Variants in ST7L observed in about 807,000 individuals in gnomAD.
ST7L encodes the protein suppressor of tumorigenicity 7 protein-like.
Under a neutral mutation model 72.5 loss-of-function variants are expected in ST7L, and 57 were observed. The observed-to-expected ratio is 0.79, with a 90% CI of 0.64 to 0.98. The LOEUF is 0.98. Ranked by LOEUF, ST7L falls within the 50% of genes least tolerant of loss-of-function variation. The pLI, the probability that ST7L is intolerant of heterozygous loss-of-function variation, is 0.00. For synonymous variants in ST7L, 221 were observed against 240.9 expected (o/e 0.92, Z 0.77); for missense variants, 576 against 672.2 (o/e 0.86, Z 1.58).
Position 112,616,847 on chromosome 1 carries a change from G to C in ST7L, c.254C>G (p.Thr85Arg), listed in dbSNP as rs115467106. 94 of 1,607,182 alleles carry C rather than the reference G, an allele frequency of 5.8e-5. No homozygotes were observed. In the East Asian group the frequency reaches 1.9e-3, roughly 33 times the overall value. ...TCCTGATATCAATGAAGAGGTCCCTGTAAGTGCCACATAGAATTTGGGTGT... is the reference window on the plus strand; with the variant it reads ...TCCTGATATCAATGAAGAGGTCCCTCTAAGTGCCACATAGAATTTGGGTGT... ...SLTPKFYVALTGTSSLISGLI... is the reference protein window; with the variant it reads ...SLTPKFYVALRGTSSLISGLI... The change falls in exon 2 of 15, where the codon ACA becomes AGA. Residue 85 changes from threonine to arginine, a missense_variant. Physicochemically the swap from Thr to Arg is moderately conservative, Grantham distance 71 (BLOSUM62 -1). This residue lies in a region of ST7L where 511 missense variants were observed against 600.7 expected (regional missense o/e 0.85). Transcript: ENST00000358039.
At chr1:112,540,120 A>G (rs1254153842) in intron 14 of ST7L, 1 of 985,446 alleles carries the variant, frequency 1.0e-6, no homozygotes, top group Non-Finnish European at 1.2e-6. Flanking sequence ...CACTATAAAC[A>G]TTAATTGTAG....
chr1:112,581,645 T>C (rs190236549), intron 9 of ST7L, among the ~76,000 whole-genome samples: 1 of 152,094 alleles, frequency 6.6e-6, no homozygotes. Context: ...GCTCAAGTGA[T>C]CCTCCCACCT....
chr1:112,544,463 A>G lies in ST7L; in HGVS notation c.1490-2373T>C, dbSNP rs575657625. 5.2e-5 allele frequency among the ~76,000 whole-genome samples: 8 copies of G among 152,384 alleles called. No individual in the cohort carries two copies. The South Asian group carries it at 1.7e-3, about 32-fold the overall frequency. The stretch of plus-strand genomic sequence containing the variant: ...AATGGAAGTTTTAAAAGTTAGAAAC[A>G]TTAGAAACTGTAGAGAACATTGTGC... On this transcript the variant is annotated intron_variant, in intron 13 of 14. Transcript: ENST00000358039.
intron 11 of ST7L, among the ~76,000 whole-genome samples, chr1:112,573,910 G>GTTTTTTT (rs920123003): frequency 2.2e-5 from 2 of 91,852 alleles, no homozygotes; most frequent in Non-Finnish European, 4.1e-5. Context: ...TTCTTTTCCT[G>GTTTTTTT]TTTTTTTTTT....
chr1:112,542,495 C>T (rs1019634649), intron 13 of ST7L, among the ~76,000 whole-genome samples: 4 of 152,260 alleles, frequency 2.6e-5, no homozygotes, highest in Non-Finnish European at 1.5e-5. Flanking sequence ...TGGTGGTTCA[C>T]GTCTGTAATC....
At chr1:112,617,623 G>A (rs1670074054) in intron 1 of ST7L, among the ~76,000 whole-genome samples, 1 of 151,748 alleles carries the variant, frequency 6.6e-6, no homozygotes, top group South Asian at 2.1e-4. Context: ...GAGGCCAGAG[G>A]ATCGCTTAAG....
At chr1:112,558,755 T>C (rs941539324) in intron 11 of ST7L, among the ~76,000 whole-genome samples, 2 of 152,202 alleles carry the variant, frequency 1.3e-5, no homozygotes, top group Admixed American at 6.5e-5. Context: ...CCTTAGTGCT[T>C]TGGGCCTATA....
At chr1:112,528,229 C>T (rs1025476248) in intron 14 of ST7L, 1 of 152,110 alleles carries the variant, frequency 6.6e-6, no homozygotes, top group East Asian at 1.9e-4. Context: ...ATAGAGGGAA[C>T]TGGTATGTGC....
chr1:112,586,971 T>C (rs1175335954), intron 6 of ST7L, among the ~76,000 whole-genome samples: 1 of 152,220 alleles, frequency 6.6e-6, no homozygotes, highest in Non-Finnish European at 1.5e-5. Flanking sequence ...CAAATCTATT[T>C]CTGCCTCTTG....
intron 11 of ST7L, among the ~76,000 whole-genome samples, chr1:112,568,703 A>C (rs1448024005): frequency 1.5e-5 from 2 of 134,270 alleles, no homozygotes; most frequent in Non-Finnish European, 3.1e-5. Flanking sequence ...AAAAACAAAA[A>C]AACAACAACA....
chr1:112,589,349 A>G (rs1312117823), intron 6 of ST7L, among the ~76,000 whole-genome samples: 1 of 152,096 alleles, frequency 6.6e-6, no homozygotes, highest in Non-Finnish European at 1.5e-5. Context: ...TTGGCCTCCC[A>G]AAGTGCTGGG....
At position 112,556,003 on chromosome 1, in the gene ST7L, T is replaced by C; in HGVS notation, c.1261A>G (p.Lys421Glu). Reference protein sequence around the residue: ...PHVPKYLLEMKSLILPPEHIL... With the variant: ...PHVPKYLLEMESLILPPEHIL... ...TGTTCTGGAGGTAAAATTAAACTTT[T>C]CATCTCTAATAAATACTGAAAGAGT... is the stretch of plus-strand genomic sequence containing the variant. Residue 421 changes from lysine (K) to glutamate (E), a missense_variant, in exon 12 of 15, where the codon AAA becomes GAA. Physicochemically the swap from Lys to Glu is moderately conservative, Grantham distance 56. Transcript: ENST00000358039. The C allele has an allele frequency of 1.2e-6, 2 of 1,602,510 alleles. No individual in the cohort carries two copies. Among genetic ancestry groups the C allele is most frequent in the Middle Eastern group, 3.3e-4 (2 of 6,002 alleles).
In ST7L at chr1:112,565,211, A is replaced by ATTTTTTTTT. The variant is rs777969643; in HGVS notation, c.1246-9202_1246-9194dup. Among the ~76,000 whole-genome samples the ATTTTTTTTT allele has an allele frequency of 1.3e-3, 75 of 57,954 alleles. 2 individuals are homozygous for ATTTTTTTTT. The highest frequency in any genetic ancestry group is 1.4e-3 in the Non-Finnish European group (48 of 33,182). 38.0% of individuals were successfully genotyped at this position (57,954 alleles called of 152,430 possible). On this transcript the variant is annotated intron_variant, in intron 11 of 14. Transcript: ENST00000358039. ...AGGCGCCCACCACCATGTTCGGCTAATTTTTTTTTTTTTTTTTTTTTTTTT... is the reference window on the plus strand; with the variant it reads ...AGGCGCCCACCACCATGTTCGGCTAATTTTTTTTTTTTTTTTTTTTTTTTTTTTTTTTTT...
At chr1:112,548,985 A>G (rs564763885) in intron 13 of ST7L, among the ~76,000 whole-genome samples, 2 of 149,364 alleles carry the variant, frequency 1.3e-5, no homozygotes, top group African/African-American at 5.0e-5. Context: ...ACATTTTAGA[A>G]TAAGCTTGTT....
At chr1:112,609,955 T>G (rs1166390339) in intron 3 of ST7L, among the ~76,000 whole-genome samples, 1 of 152,190 alleles carries the variant, frequency 6.6e-6, no homozygotes, top group African/African-American at 2.4e-5. Context: ...GAAAAAAATT[T>G]TTTTTCCTAC....
At chr1:112,582,757 G>A (rs1452260165) in intron 7 of ST7L, among the ~76,000 whole-genome samples, 3 of 151,838 alleles carry the variant, frequency 2.0e-5, no homozygotes, top group African/African-American at 7.3e-5. Context: ...TATATAATTC[G>A]TGTATGATTG....
At chr1:112,531,483 TA>T (rs1346808826) in intron 14 of ST7L, among the ~76,000 whole-genome samples, 1 of 152,238 alleles carries the variant, frequency 6.6e-6, no homozygotes. Flanking sequence ...TTGCTTGACC[TA>T]ACCGAATAAA....
At chr1:112,519,872 C>CTTTTTTT (rs71081244), downstream of ST7L, among the ~76,000 whole-genome samples, 3 of 115,650 alleles carry the variant, frequency 2.6e-5, no homozygotes, top group Non-Finnish European at 5.3e-5. Context: ...GCCCATGCTT[C>CTTTTTTT]TTTTTTTTTT....
chr1:112,593,699 T>C lies in ST7L; in HGVS notation c.623-2096A>G, dbSNP rs1275787264. On this transcript the variant is annotated intron_variant, in intron 5 of 14. Coordinates refer to ENST00000358039, the MANE Select transcript of ST7L (RefSeq NM_017744.5). ...AATGTAAAATCTCCTGATTTTTAAATGCTGAAGAAAAAAATCCAAAAAACA... is the reference window on the plus strand; with the variant it reads ...AATGTAAAATCTCCTGATTTTTAAACGCTGAAGAAAAAAATCCAAAAAACA... Among the ~76,000 whole-genome samples the C allele has an allele frequency of 2.0e-5, 3 of 152,190 alleles. No homozygotes were observed. In the East Asian group the frequency reaches 5.8e-4, roughly 29 times the overall value.
Sources: allele counts gnomAD v4.1 joint callset (sites outside exome capture counted in the v4.1 genomes callset), GRCh38; gene constraint gnomAD v4.1.1; regional missense constraint gnomAD v4.1.1; transcripts MANE v1.5; gene names NCBI Gene and HGNC (gene_info 2026-07-23, HGNC 2026-07-21).